Variants in LOC122319696 observed in about 807,000 individuals in gnomAD.
At chrX:149,415,419 G>A in the LOC122319696 span, among the ~76,000 whole-genome samples, 10 of 111,128 alleles carry the variant, frequency 9.0e-5, no homozygotes, top group Non-Finnish European at 5.7e-5. Flanking sequence ...TTCTGTGCTT[G>A]GGTTTGATTG....
the LOC122319696 span, among the ~76,000 whole-genome samples, chrX:149,414,995 T>A: frequency 9.0e-6 from 1 of 111,400 alleles, no homozygotes; most frequent in Non-Finnish European, 1.9e-5. Context: ...CTGGCCTGAG[T>A]GCTTTGGCTC....
chrX:149,415,429 G>A, the LOC122319696 span, among the ~76,000 whole-genome samples: 1 of 111,242 alleles, frequency 9.0e-6, no homozygotes, highest in Non-Finnish European at 1.9e-5. Flanking sequence ...GGGTTTGATT[G>A]CTCCATAACT....
At chrX:149,414,961 A>G in the LOC122319696 span, among the ~76,000 whole-genome samples, 1 of 109,954 alleles carries the variant, frequency 9.1e-6, no homozygotes, top group Non-Finnish European at 1.9e-5. Flanking sequence ...TAGGAGTGTC[A>G]TTTTTTTTTA....
chrX:149,414,950 G>T, the LOC122319696 span, among the ~76,000 whole-genome samples: 1 of 111,891 alleles, frequency 8.9e-6, no homozygotes, highest in Non-Finnish European at 1.9e-5. Flanking sequence ...GTTGTATCTT[G>T]TAGGAGTGTC....
chrX:149,415,002 G>T, the LOC122319696 span, among the ~76,000 whole-genome samples: 1 of 111,223 alleles, frequency 9.0e-6, no homozygotes, highest in Non-Finnish European at 1.9e-5. Flanking sequence ...GAGTGCTTTG[G>T]CTCCTACTCA....
chrX:149,414,965 T>C, the LOC122319696 span, among the ~76,000 whole-genome samples: 1 of 112,220 alleles, frequency 8.9e-6, no homozygotes, highest in Non-Finnish European at 1.9e-5. Context: ...AGTGTCATTT[T>C]TTTTTACAGC....
chrX:149,415,275 C>A, the LOC122319696 span, among the ~76,000 whole-genome samples: 1 of 111,243 alleles, frequency 9.0e-6, no homozygotes, highest in Non-Finnish European at 1.9e-5. Context: ...GCAGGTAAAG[C>A]GTAGGAGACA....
Sources: gnomAD v4.1 joint callset for allele counts (sites outside exome capture counted in the v4.1 genomes callset) on GRCh38, gnomAD v4.1.1 for gene constraint, MANE v1.5 for transcripts.